F5: variants seen among roughly 807,000 people sequenced by gnomAD.
The protein encoded by F5 is activated protein c cofactor.
Under a neutral mutation model 216.4 loss-of-function variants are expected in F5, and 138 were observed. The ratio of observed to expected loss-of-function variants is 0.64; its 90% confidence interval spans 0.56 to 0.73. The LOEUF (loss-of-function observed/expected upper bound fraction) is 0.73, where lower values mean the gene tolerates loss of function less well. Among genes scored for constraint, F5 ranks in the 30% least tolerant of loss-of-function variants. The pLI is 0.00. For missense variants in F5, 2,403 were observed against 2,674.0 expected (o/e 0.90, Z 2.24); for synonymous variants, 916 against 930.7 (o/e 0.98, Z 0.29).
At chr1:169,525,426 A>T (rs1406822055) in intron 18 of F5, among the ~76,000 whole-genome samples, 1 of 152,220 alleles carries the variant, frequency 6.6e-6, no homozygotes, top group Admixed American at 6.5e-5. Context: ...TTATATCTTG[A>T]TCAAGGAAGG....
At chr1:169,586,188 C>G (rs776218114) in intron 1 of F5, 41 bp downstream of exon 1, 1 of 1,611,696 alleles carries the variant, frequency 6.2e-7, no homozygotes, top group Non-Finnish European at 8.5e-7. Flanking sequence ...AATAGATTTT[C>G]CTCTCTAGAG....
intron 15 of F5, 99 bp downstream of exon 15, chr1:169,530,687 G>T: frequency 9.0e-7 from 1 of 1,107,264 alleles, no homozygotes; most frequent in Non-Finnish European, 1.4e-6. Context: ...TGAAAAGCAA[G>T]ACAGACATTT....
rs908130320 is a variant in F5, at chr1:169,556,878, G to A, written c.731-11C>T. On this transcript the variant is annotated splice_polypyrimidine_tract_variant and intron_variant, in intron 5 of 24. Coordinates refer to ENST00000367797, the MANE Select transcript of F5 (RefSeq NM_000130.5). Reference sequence around the variant, plus strand: ...CACAAACTGTTATATCTGAGAAAGAGGGAGAGACACAGGCCAAAATAAGCA... The same window carrying A: ...CACAAACTGTTATATCTGAGAAAGAAGGAGAGACACAGGCCAAAATAAGCA... The A allele has an allele frequency of 1.1e-5, 18 of 1,611,972 alleles. No individual in the cohort carries two copies. The highest frequency in any genetic ancestry group is 1.4e-5 in the Non-Finnish European group (17 of 1,179,284).
chr1:169,539,232 TTC>T (rs759310806), intron 13 of F5, among the ~76,000 whole-genome samples: 42 of 152,262 alleles, frequency 2.8e-4, no homozygotes, highest in South Asian at 4.2e-4. Context: ...GAGAATCTCC[TTC>T]TGCCTTTCTT....
intron 9 of F5, 81 bp from the exon 10 acceptor site, chr1:169,550,096 A>G: frequency 8.8e-7 from 1 of 1,141,414 alleles, no homozygotes; most frequent in Non-Finnish European, 1.3e-6. Context: ...CTTTCGCTGG[A>G]ACCAATTAAT....
rs774577772 is a variant in F5, at chr1:169,541,722, G to A, written c.3368C>T (p.Pro1123Leu). 2 of 1,613,878 alleles carry A rather than the reference G, an allele frequency of 1.2e-6. No individual in the cohort carries two copies. The highest frequency in any genetic ancestry group is 1.3e-5 in the African/African-American group (1 of 74,914). The change falls in exon 13 of 25, where the codon CCA becomes CTA. Residue 1123 changes from proline to leucine, a missense_variant. Pro to Leu is a moderately conservative substitution (Grantham distance 98). Around this residue, in one of 4 missense-constraint regions of F5, gnomAD observed 1,425 missense variants for 1,554.8 expected, o/e 0.92. Coordinates refer to ENST00000367797, the MANE Select transcript of F5 (RefSeq NM_000130.5). Reference protein sequence around the residue: ...CPPGLYQTVPPEEHYQTFPIQ... With the variant: ...CPPGLYQTVPLEEHYQTFPIQ... ...GGGGAATGTTTGATAGTGTTCCTCT[G>A]GGGGCACTGTCTGATAAAGACCTGG...
intron 3 of F5, among the ~76,000 whole-genome samples, chr1:169,568,972 G>C (rs1660667592): frequency 6.6e-6 from 1 of 152,038 alleles, no homozygotes; most frequent in Admixed American, 6.6e-5. Flanking sequence ...TATTCTTTTA[G>C]AAGCTATAAT....
In F5 at chr1:169,552,746, G is replaced by A. The variant is rs1357466540; in HGVS notation, c.1119-12C>T. On this transcript the variant is annotated splice_polypyrimidine_tract_variant and intron_variant, in intron 7 of 24. Coordinates refer to ENST00000367797, the MANE Select transcript of F5 (RefSeq NM_000130.5). ...GAGACCTGTATTTTCTTAAAGTGAA[G>A]TAAAAAAAAATTAAACCACTTTCTC... The A allele has an allele frequency of 1.9e-6, 3 of 1,598,606 alleles. No individual in the cohort carries two copies. Among genetic ancestry groups the A allele is most frequent in the South Asian group, 2.2e-5 (2 of 90,290 alleles).
chr1:169,556,166 A>C (rs1172813172), intron 6 of F5, among the ~76,000 whole-genome samples: 1 of 152,224 alleles, frequency 6.6e-6, no homozygotes, highest in East Asian at 1.9e-4. Flanking sequence ...TGTATGATCC[A>C]TTCAACACAC....
In F5 at chr1:169,559,172, A is replaced by G. The variant is rs1206188963; in HGVS notation, c.711T>C (p.Tyr237=). The change falls in exon 5 of 25, where the codon TAT becomes TAC. Residue 237 remains tyrosine, a synonymous_variant. Transcript: ENST00000367797. ...TGTTACCTGGCATTGTCCCATTCAC[A>G]TATCCATTGACTGTGTACATTAGGG... ...SSSLMYTVNG[Y]VNGTMPDITV... is the part of the protein sequence containing the mutation. The G allele has an allele frequency of 4.3e-6, 7 of 1,613,830 alleles. No homozygotes were observed. Among genetic ancestry groups the G allele is most frequent in the Non-Finnish European group, 5.9e-6 (7 of 1,179,786 alleles).
At chr1:169,585,477 G>A (rs1376710751) in intron 1 of F5, among the ~76,000 whole-genome samples, 1 of 152,178 alleles carries the variant, frequency 6.6e-6, no homozygotes, top group Non-Finnish European at 1.5e-5. Flanking sequence ...GTTAATTTCT[G>A]AGAAGTCTTA....
At chr1:169,524,996 G>T (rs1234364106) in intron 18 of F5, 88 bp from the exon 19 acceptor site, 5 of 1,047,230 alleles carry the variant, frequency 4.8e-6, no homozygotes, top group African/African-American at 4.8e-5. Flanking sequence ...TTATGTTTCT[G>T]ACTCAATAAT....
At chr1:169,548,787 T>G (rs1294186874) in intron 10 of F5, among the ~76,000 whole-genome samples, 1 of 151,404 alleles carries the variant, frequency 6.6e-6, no homozygotes, top group Non-Finnish European at 1.5e-5. Context: ...GAGAATCACT[T>G]GAACCCAGGA....
At chr1:169,576,140 G>T (rs1014614318) in intron 2 of F5, among the ~76,000 whole-genome samples, 1 of 152,158 alleles carries the variant, frequency 6.6e-6, no homozygotes, top group Non-Finnish European at 1.5e-5. Context: ...CCAACACCTT[G>T]ATTTTAGCCC....
Position 169,531,036 on chromosome 1 carries a change from T to G in F5, c.4972-14A>C, listed in dbSNP as rs763080313. The G allele has an allele frequency of 1.8e-5, 29 of 1,590,114 alleles. No homozygotes were observed. The East Asian group carries it at 6.3e-4, about 34-fold the overall frequency. ...TTTAAAACGAACCTAGGAAAAGGAA[T>G]GATCCACAAATGTACTTAAGCTTAA... On this transcript the variant is annotated splice_polypyrimidine_tract_variant and intron_variant, in intron 14 of 24. Coordinates refer to ENST00000367797, the MANE Select transcript of F5 (RefSeq NM_000130.5).
intron 3 of F5, among the ~76,000 whole-genome samples, chr1:169,567,383 T>TAA (rs35536147): frequency 4.0e-5 from 6 of 150,630 alleles, no homozygotes; most frequent in African/African-American, 9.8e-5. Context: ...TAAAGTATAA[T>TAA]AAAAAAAAAT....
intron 2 of F5, among the ~76,000 whole-genome samples, chr1:169,577,506 A>T (rs1660880112): frequency 7.1e-6 from 1 of 140,338 alleles, no homozygotes; most frequent in South Asian, 2.3e-4. Context: ...CTCTTGCCTT[A>T]GCCTCCCCAG....
chr1:169,529,100 T>C lies in F5; in HGVS notation c.5419+508A>G, dbSNP rs1659530161. Among the ~76,000 whole-genome samples, 2 of 152,186 alleles carry C rather than the reference T, an allele frequency of 1.3e-5. 1 individual carries two copies. The highest frequency in any genetic ancestry group is 1.3e-4 in the Admixed American group (2 of 15,272). ...CCACCCAAATGCTCTCTTGCCACTA[T>C]TCTCCTATTACCTGGGTACCTAGTT... On this transcript the variant is annotated intron_variant, in intron 16 of 24. Coordinates refer to ENST00000367797, the MANE Select transcript of F5 (RefSeq NM_000130.5).
intron 2 of F5, among the ~76,000 whole-genome samples, chr1:169,573,683 G>A (rs999047547): frequency 6.6e-6 from 1 of 152,216 alleles, no homozygotes; most frequent in Admixed American, 6.5e-5. Flanking sequence ...CTTTCTACAT[G>A]CCAGGCACTG....
Sources: allele counts gnomAD v4.1 joint callset (sites outside exome capture counted in the v4.1 genomes callset), GRCh38; gene constraint gnomAD v4.1.1; regional missense constraint gnomAD v4.1.1; transcripts MANE v1.5; gene names NCBI Gene and HGNC (gene_info 2026-07-23, HGNC 2026-07-21).